Variants in IL5RA observed in about 807,000 individuals in gnomAD.
IL5RA encodes interleukin-5 receptor subunit alpha.
A neutral mutation model predicts 50.0 loss-of-function variants in IL5RA; 49 were observed. That is an observed-to-expected ratio of 0.98 (90% CI 0.78 to 1.24). The LOEUF (loss-of-function observed/expected upper bound fraction) is 1.24. Ranked by LOEUF, IL5RA falls within the 50% of genes most tolerant of loss-of-function variation. The pLI, the probability that IL5RA is intolerant of heterozygous loss-of-function variation, is 0.00. For synonymous variants in IL5RA, 202 were observed against 174.0 expected (o/e 1.16, Z -1.26); for missense variants, 600 against 500.4 (o/e 1.20, Z -1.90).
intron 9 of IL5RA, among the ~76,000 whole-genome samples, chr3:3,080,919 C>T (rs1027815406): frequency 6.6e-6 from 1 of 152,218 alleles, no homozygotes; most frequent in Admixed American, 6.5e-5. Flanking sequence ...TGGTCTCAAA[C>T]TCCTAAACTC....
chr3:3,073,793 CTGAAT>C (rs1702380385), intron 11 of IL5RA: 4 of 451,844 alleles, frequency 8.9e-6, no homozygotes, highest in Non-Finnish European at 1.8e-5. Flanking sequence ...AAATTGTCAG[CTGAAT>C]CTAAGATGTA....
chr3:3,080,897 T>C (rs1436307890), intron 9 of IL5RA, among the ~76,000 whole-genome samples: 1 of 152,216 alleles, frequency 6.6e-6, no homozygotes, highest in Non-Finnish European at 1.5e-5. Context: ...GGCCTCAGTA[T>C]GTTGCCCAGG....
At position 3,068,213 on chromosome 3, in the gene IL5RA, C is replaced by T. The variant is rs1332206762; in HGVS notation, c.*2012G>A. 6.6e-6 allele frequency: 1 copy of T among 152,140 alleles called. No homozygotes were observed. Among genetic ancestry groups the T allele is most frequent in the Non-Finnish European group, 1.5e-5 (1 of 68,070 alleles). The allele number at this position is 152,140 out of a possible 1,614,324, so 9.4% of individuals were successfully genotyped here. ...AGTTAGAGACTCTAAGAATGGAGCCCACTCCTCTGTGTCTTAAGGAGCCCT... is the reference window on the plus strand; with the variant it reads ...AGTTAGAGACTCTAAGAATGGAGCCTACTCCTCTGTGTCTTAAGGAGCCCT... On this transcript the variant is annotated 3_prime_UTR_variant, in exon 12 of 12. Coordinates refer to ENST00000446632, the MANE Select transcript of IL5RA (RefSeq NM_175726.4).
rs7640267 is a variant in IL5RA, at chr3:3,092,212, T to G, written c.994+12A>C. 0.043 allele frequency: 69,589 copies of G among 1,607,676 alleles called. 1,726 individuals carry two copies. Among genetic ancestry groups the G allele is most frequent in the Middle Eastern group, 0.071 (430 of 6,024 alleles). On this transcript the variant is annotated intron_variant, in intron 9 of 11. Transcript: ENST00000446632. This position sits in a 1 kb window ranked among gnomAD's most constrained non-coding sequence, Gnocchi z 4.2. ...GAAGGCTGCCAATGTAAAATAAACATAAGCTACTTACCCACATAAATAGGT... is the reference window on the plus strand; with the variant it reads ...GAAGGCTGCCAATGTAAAATAAACAGAAGCTACTTACCCACATAAATAGGT...
chr3:3,097,936 C>G lies in IL5RA; in HGVS notation c.643G>C (p.Val215Leu), dbSNP rs1345865467. 6.2e-7 allele frequency: 1 copy of G among 1,614,068 alleles called. No homozygotes were observed. The highest frequency in any genetic ancestry group is 1.3e-5 in the African/African-American group (1 of 74,922). Residue 215 changes from valine (V) to leucine (L), a missense_variant, in exon 7 of 12, where the codon GTT becomes CTT. Coordinates refer to ENST00000446632, the MANE Select transcript of IL5RA (RefSeq NM_175726.4). ...SKGRDWLAVL[V>L]NGSSKHSAIR... The stretch of plus-strand genomic sequence containing the variant: ...GCAGAGTGCTTGCTGGAGCCGTTAA[C>G]AAGCACCGCAAGCCAGTCACGCCCT...
At chr3:3,106,167 A>G (rs1010089687) in intron 2 of IL5RA, among the ~76,000 whole-genome samples, 2 of 152,180 alleles carry the variant, frequency 1.3e-5, no homozygotes, top group East Asian at 1.9e-4. Flanking sequence ...TGATCTTCCA[A>G]TGGCAAAACC....
chr3:3,084,097 G>A (rs1702765531), intron 9 of IL5RA, among the ~76,000 whole-genome samples: 2 of 150,470 alleles, frequency 1.3e-5, no homozygotes, highest in Admixed American at 6.6e-5. Flanking sequence ...TCTGCCACTT[G>A]CTACCAAAGT....
At chr3:3,108,971 T>C (rs1254602949) in intron 1 of IL5RA, among the ~76,000 whole-genome samples, 1 of 152,244 alleles carries the variant, frequency 6.6e-6, no homozygotes, top group Non-Finnish European at 1.5e-5. Context: ...AGAGGACATA[T>C]TCACTTAAAA....
At chr3:3,074,754 G>A (rs2290611) in intron 11 of IL5RA, 28 bp downstream of exon 11, 266,426 of 1,315,090 alleles carry the variant, frequency 0.2, 30,180 homozygotes, top group Non-Finnish European at 0.24. Context: ...GGACACATAC[G>A]GCATATCATA....
rs1559856794 is a variant in IL5RA, at chr3:3,068,614, A to AAAAAAAAAAAAAAAAAAAAG, written c.*1610_*1611insCTTTTTTTTTTTTTTTTTTT. On this transcript the variant is annotated 3_prime_UTR_variant, in exon 12 of 12. Transcript: ENST00000446632. Reference sequence around the variant, plus strand: ...AAAAAAAAAAAAAAAAAAAACAAAAACAGGTTTGAGATTATGAATCATTTG... The same window carrying AAAAAAAAAAAAAAAAAAAAG: ...AAAAAAAAAAAAAAAAAAAACAAAAAAAAAAAAAAAAAAAAAAAAGCAGGTTTGAGATTATGAATCATTTG... The AAAAAAAAAAAAAAAAAAAAG allele has an allele frequency of 7.4e-6, 1 of 135,618 alleles. No homozygotes were observed. The highest frequency in any genetic ancestry group is 2.7e-5 in the African/African-American group (1 of 37,014). The allele number at this position is 135,618 out of a possible 1,614,324, so 8.4% of individuals were successfully genotyped here.
rs1702422505 is a variant in IL5RA, at chr3:3,074,843, AAC to A, written c.1113_1114del (p.Leu371PhefsTer10). 2.5e-6 allele frequency: 4 copies of A among 1,608,918 alleles called. No individual in the cohort carries two copies. The highest frequency in any genetic ancestry group is 3.4e-6 in the Non-Finnish European group (4 of 1,175,242). ...ACTTTTTGGTGCTGGAATTGGTGGAAACAACTTGATCCATAAATGACATCTGA... is the reference window on the plus strand; with the variant it reads ...ACTTTTTGGTGCTGGAATTGGTGGAAAACTTGATCCATAAATGACATCTGA... On this transcript the variant is annotated frameshift_variant, in exon 11 of 12. Coordinates refer to ENST00000446632, the MANE Select transcript of IL5RA (RefSeq NM_175726.4). LOFTEE classifies it high-confidence loss of function.
chr3:3,072,189 G>T (rs1266489340), intron 11 of IL5RA, among the ~76,000 whole-genome samples: 1 of 152,228 alleles, frequency 6.6e-6, no homozygotes, highest in African/African-American at 2.4e-5. Flanking sequence ...GCTGTAGGCA[G>T]CTCTGCACTG....
At position 3,076,597 on chromosome 3, in the gene IL5RA, C is replaced by T; in HGVS notation, c.1025G>A (p.Trp342Ter). Residue 342 changes from tryptophan (W) to a stop codon, truncating the protein, a stop_gained, in exon 10 of 12, where the codon TGG (tryptophan) becomes TAG (stop). Transcript: ENST00000446632. LOFTEE classifies it high-confidence loss of function. ...GGTTGCCATAATCACAATGACAAACCACTCTCTCAAGGGCTTGTGTTCATC... is the reference window on the plus strand; with the variant it reads ...GGTTGCCATAATCACAATGACAAACTACTCTCTCAAGGGCTTGTGTTCATC... ...GNDEHKPLRE[W>*]FVIVIMATIC... 1 of 1,611,724 alleles carries T rather than the reference C, an allele frequency of 6.2e-7. No individual in the cohort carries two copies. Among genetic ancestry groups the T allele is most frequent in the Non-Finnish European group, 8.5e-7 (1 of 1,178,104 alleles).
chr3:3,087,616 A>G (rs549127158), intron 9 of IL5RA, among the ~76,000 whole-genome samples: 24 of 109,112 alleles, frequency 2.2e-4, no homozygotes, highest in African/African-American at 8.8e-4. Context: ...CAGGACCTCC[A>G]TTTTCTTACA....
intron 9 of IL5RA, among the ~76,000 whole-genome samples, chr3:3,089,104 GGAAGATTGGTCTCAACA>G: frequency 6.6e-6 from 1 of 151,770 alleles, no homozygotes; most frequent in East Asian, 1.9e-4. Context: ...GGGAGGGAGG[GGAAGATTGGTCTCAACA>G]GAATTATGAA....
At chr3:3,084,344 A>C (rs1434072977) in intron 9 of IL5RA, among the ~76,000 whole-genome samples, 1 of 152,228 alleles carries the variant, frequency 6.6e-6, no homozygotes, top group Non-Finnish European at 1.5e-5. Context: ...GAATTCTAAA[A>C]ATGCAGAGAG....
At position 3,104,953 on chromosome 3, in the gene IL5RA, A is replaced by T. The variant is rs755178766; in HGVS notation, c.32T>A (p.Leu11His). 1 of 1,613,162 alleles carries T rather than the reference A, an allele frequency of 6.2e-7. No individual in the cohort carries two copies. MIIVAHVLLI[L>H]LGATEILQAD... ...TTGCAGTATCTCAGTGGCCCCCAAA[A>T]GGATGAGTAATACATGCGCCACGAT... The change falls in exon 3 of 12, where the codon CTT becomes CAT. Residue 11 changes from leucine (L) to histidine (H), a missense_variant. Transcript: ENST00000446632.
At chr3:3,099,653 T>TTTAA (rs1703544027) in intron 5 of IL5RA, among the ~76,000 whole-genome samples, 3 of 122,948 alleles carry the variant, frequency 2.4e-5, no homozygotes, top group African/African-American at 9.0e-5. Context: ...TCAGATTTTA[T>TTTAA]TTTATTTATT....
chr3:3,071,398 C>G (rs17882788), intron 11 of IL5RA, among the ~76,000 whole-genome samples: 9 of 152,170 alleles, frequency 5.9e-5, no homozygotes, highest in Admixed American at 5.9e-4. Flanking sequence ...CTGAAGCAGG[C>G]GCATAGCTTG....
Sources: gnomAD v4.1 joint callset for allele counts (sites outside exome capture counted in the v4.1 genomes callset) on GRCh38, gnomAD v4.1.1 for gene constraint, Gnocchi (gnomAD v3.1) non-coding constraint, MANE v1.5 for transcripts, NCBI Gene and HGNC (gene_info 2026-07-23, HGNC 2026-07-21) for gene names.